The following TCF7L2 variants were observed in gnomAD, a reference collection of about 807,000 sequenced individuals.
The protein encoded by TCF7L2 is transcription factor 7-like 2.
A neutral mutation model predicts 77.9 loss-of-function variants in TCF7L2; 23 were observed. That is an observed-to-expected ratio of 0.30 (90% CI 0.21 to 0.42). TCF7L2 has a LOEUF of 0.42. Among genes scored for constraint, TCF7L2 ranks in the 10% least tolerant of loss-of-function variants. The probability of loss-of-function intolerance (pLI) is 1.00; values close to 1 mark genes in which losing one functional copy is unlikely to be tolerated. For synonymous variants in TCF7L2, 413 were observed against 340.2 expected (o/e 1.21, Z -2.36); for missense variants, 654 against 793.1 (o/e 0.82, Z 2.11).
In TCF7L2 at chr10:113,151,619, A is replaced by C; in HGVS notation, c.1002-106A>C. 1 of 1,384,908 alleles carries C rather than the reference A, an allele frequency of 7.2e-7. No homozygotes were observed. The highest frequency in any genetic ancestry group is 9.6e-7 in the Non-Finnish European group (1 of 1,045,984). The allele number at this position is 1,384,908 out of a possible 1,614,324, so 85.8% of individuals were successfully genotyped here. On this transcript the variant is annotated intron_variant, in intron 9 of 13. Transcript: ENST00000627217. This position sits in a 1 kb window ranked among gnomAD's most constrained non-coding sequence, Gnocchi z 5.2. Reference sequence around the variant, plus strand: ...CTAAAAGCATGCTTTTTAATCCAAAACTGCTAGGCTTGGGGGTTATGAGAC... The same window carrying C: ...CTAAAAGCATGCTTTTTAATCCAAACCTGCTAGGCTTGGGGGTTATGAGAC...
intron 5 of TCF7L2, among the ~76,000 whole-genome samples, chr10:113,058,368 A>G (rs779855372): frequency 3.9e-5 from 6 of 152,152 alleles, no homozygotes; most frequent in Non-Finnish European, 7.3e-5. Context: ...GGAATCCTCA[A>G]TTCTAAACAA....
intron 5 of TCF7L2, among the ~76,000 whole-genome samples, chr10:113,119,336 C>T (rs890712629): frequency 2.0e-5 from 3 of 152,156 alleles, no homozygotes; most frequent in Non-Finnish European, 4.4e-5. Context: ...CTGCGGACCA[C>T]GCCAGGCCCT....
At chr10:113,124,624 T>C (rs1391249547) in intron 5 of TCF7L2, among the ~76,000 whole-genome samples, 3 of 152,106 alleles carry the variant, frequency 2.0e-5, no homozygotes, top group Admixed American at 6.6e-5. Flanking sequence ...GACATAGATA[T>C]AGATGTTGAG....
intron 5 of TCF7L2, among the ~76,000 whole-genome samples, chr10:113,078,102 A>G (rs1591408787): frequency 6.7e-6 from 1 of 149,404 alleles, no homozygotes; most frequent in Middle Eastern, 3.4e-3. Flanking sequence ...TTGTTGACCC[A>G]TTCATCAGTT....
chr10:112,970,166 T>TTGTGTGTG (rs61281206), intron 4 of TCF7L2, among the ~76,000 whole-genome samples: 235 of 150,388 alleles, frequency 1.6e-3, no homozygotes, highest in African/African-American at 5.5e-3. Flanking sequence ...TTGAAGTGGT[T>TTGTGTGTG]TGTGTGTGTG....
chr10:113,156,336 G>A (rs560645337), intron 11 of TCF7L2, among the ~76,000 whole-genome samples: 4 of 152,168 alleles, frequency 2.6e-5, no homozygotes, highest in East Asian at 3.9e-4. Context: ...GGATGGTCTC[G>A]ATCTCTTGAC....
chr10:112,954,801 C>G (rs2033070242), intron 3 of TCF7L2, among the ~76,000 whole-genome samples: 1 of 152,130 alleles, frequency 6.6e-6, no homozygotes. Context: ...ATTATTCGAG[C>G]CCTTGCATCT....
At chr10:113,135,416 A>G (rs902075676) in intron 5 of TCF7L2, among the ~76,000 whole-genome samples, 2 of 152,178 alleles carry the variant, frequency 1.3e-5, no homozygotes, top group Admixed American at 6.5e-5. Flanking sequence ...CTCAAAACCC[A>G]TGGAGCCTAA....
rs144385568 is a variant in TCF7L2, at chr10:113,129,058, C to T, written c.553-12126C>T. On this transcript the variant is annotated intron_variant, in intron 5 of 13. Transcript: ENST00000627217. Reference sequence around the variant, plus strand: ...GAATACTAGCGAGCCCAGGAAGCTTCGTTTCTTCTGCTTCCAGGGAGGTCA... The same window carrying T: ...GAATACTAGCGAGCCCAGGAAGCTTTGTTTCTTCTGCTTCCAGGGAGGTCA... 1,151 of 152,976 alleles carry T rather than the reference C, an allele frequency of 7.5e-3. 11 individuals are homozygous for T. The highest frequency in any genetic ancestry group is 0.011 in the Non-Finnish European group (726 of 68,648). 9.5% of individuals were successfully genotyped at this position (152,976 alleles called of 1,614,324 possible). A position where few individuals can be genotyped will look rare whatever the true frequency, so the allele number is the denominator to read the frequency against.
At chr10:113,163,649 A>T (rs545132182) in intron 13 of TCF7L2, among the ~76,000 whole-genome samples, 1 of 152,094 alleles carries the variant, frequency 6.6e-6, no homozygotes, top group East Asian at 1.9e-4. Flanking sequence ...CCCATAGTCT[A>T]TTTACTCTCT....
Position 113,087,634 on chromosome 10 carries a change from C to T in TCF7L2, c.552+47508C>T, listed in dbSNP as rs117309686. ...CTGCTTGCCAGACGGAGACCTTAGA[C>T]CTCCAGGGGTGGAGAACGGAGTACT... On this transcript the variant is annotated intron_variant, in intron 5 of 13. Coordinates refer to ENST00000627217, the MANE Select transcript of TCF7L2 (RefSeq NM_001146274.2). 1.3e-3 allele frequency among the ~76,000 whole-genome samples: 200 copies of T among 152,324 alleles called. 1 individual carries two copies. The highest frequency in any genetic ancestry group is 3.4e-3 in the Middle Eastern group (1 of 294).
intron 5 of TCF7L2, among the ~76,000 whole-genome samples, chr10:113,098,071 A>AAAG (rs1166569180): frequency 8.0e-5 from 12 of 150,012 alleles, no homozygotes; most frequent in East Asian, 3.9e-4. Context: ...AAAAAAAAAA[A>AAAG]AAGAAGAAGA....
chr10:113,143,798 A>G (rs545643604), intron 6 of TCF7L2, 125 bp from the exon 7 acceptor site: 122 of 666,986 alleles, frequency 1.8e-4, no homozygotes, highest in Non-Finnish European at 2.8e-4. Flanking sequence ...ATAATCATGA[A>G]TGAACCTTGT....
intron 5 of TCF7L2, among the ~76,000 whole-genome samples, chr10:113,118,655 T>G (rs1243919509): frequency 8.5e-5 from 1 of 11,824 alleles, no homozygotes; most frequent in African/African-American, 1.2e-3. Context: ...TTTTTTTTTG[T>G]TTTTTTTTGT....
chr10:113,063,764 G>A (rs1260337436), intron 5 of TCF7L2, among the ~76,000 whole-genome samples: 1 of 152,162 alleles, frequency 6.6e-6, no homozygotes, highest in African/African-American at 2.4e-5. Flanking sequence ...CAAGAAAAGA[G>A]CAATGAAAGA....
intron 4 of TCF7L2, among the ~76,000 whole-genome samples, chr10:112,978,665 G>C (rs1314911746): frequency 7.1e-6 from 1 of 141,532 alleles, no homozygotes; most frequent in Non-Finnish European, 1.5e-5. Flanking sequence ...ATTTTTAGTA[G>C]AGATGAGGTT....
At chr10:112,979,999 C>T (rs1346918973) in intron 4 of TCF7L2, among the ~76,000 whole-genome samples, 1 of 152,208 alleles carries the variant, frequency 6.6e-6, no homozygotes, top group African/African-American at 2.4e-5. Context: ...ATTAAATGAA[C>T]TTGGAAGAAA....
At chr10:113,090,616 C>T (rs1040323112) in intron 5 of TCF7L2, among the ~76,000 whole-genome samples, 4 of 152,148 alleles carry the variant, frequency 2.6e-5, no homozygotes, top group African/African-American at 9.7e-5. Context: ...TTGATAATCT[C>T]TCTCTCTTTT....
Position 113,061,837 on chromosome 10 carries a change from G to A in TCF7L2, c.552+21711G>A, listed in dbSNP as rs951070261. 1.6e-4 allele frequency among the ~76,000 whole-genome samples: 25 copies of A among 152,326 alleles called. 2 individuals are homozygous for A. Among genetic ancestry groups the A allele is most frequent in the Admixed American group, 1.5e-3 (23 of 15,300 alleles). On this transcript the variant is annotated intron_variant, in intron 5 of 13. Coordinates refer to ENST00000627217, the MANE Select transcript of TCF7L2 (RefSeq NM_001146274.2). ...GAGGAGTTAAAAGTTGGCAACGCCT[G>A]CCCTCTCGAGAGTGTCAGGATTTTT... is the stretch of plus-strand genomic sequence containing the variant.
Sources: gnomAD v4.1 joint callset for allele counts (sites outside exome capture counted in the v4.1 genomes callset) on GRCh38, gnomAD v4.1.1 for gene constraint, Gnocchi (gnomAD v3.1) non-coding constraint, MANE v1.5 for transcripts, NCBI Gene and HGNC (gene_info 2026-07-23, HGNC 2026-07-21) for gene names.